Variants in ABHD18 observed in about 807,000 individuals in gnomAD.
ABHD18 encodes the protein abhydrolase domain containing 18, also known as cardiolipin-specific deacylase, mitochondrial.
A neutral mutation model predicts 65.9 loss-of-function variants in ABHD18; 55 were observed. The ratio of observed to expected loss-of-function variants is 0.84; its 90% CI spans 0.67 to 1.05. ABHD18 has a LOEUF of 1.05. Among genes scored for constraint, ABHD18 ranks in the 50% least tolerant of loss-of-function variants. The pLI, the probability that ABHD18 is intolerant of heterozygous loss-of-function variation, is 0.00. For missense variants in ABHD18, 533 were observed against 558.5 expected, an observed-to-expected ratio of 0.95 and a Z score of 0.46; for synonymous variants, 181 against 180.2, an observed-to-expected ratio of 1.00 and a Z score of -0.04.
chr4:127,971,946 T>C (rs1746905614), intron 1 of ABHD18, among the ~76,000 whole-genome samples: 1 of 152,150 alleles, frequency 6.6e-6, no homozygotes, highest in African/African-American at 2.4e-5. Context: ...GGCTCAGTTC[T>C]TCAGATGCAC....
At chr4:127,991,660 G>T (rs1470125786) in intron 4 of ABHD18, among the ~76,000 whole-genome samples, 2 of 152,070 alleles carry the variant, frequency 1.3e-5, no homozygotes, top group African/African-American at 4.8e-5. Flanking sequence ...CTACACTGTT[G>T]ATAATAAACT....
chr4:127,982,329 T>C (rs1261554751), intron 1 of ABHD18, among the ~76,000 whole-genome samples: 1 of 152,214 alleles, frequency 6.6e-6, no homozygotes, highest in African/African-American at 2.4e-5. Context: ...TTAGAAATAC[T>C]TGAGAAGATA....
In ABHD18 at chr4:128,017,463, G is replaced by C. The variant is rs761417024; in HGVS notation, c.571G>C (p.Gly191Arg). 2 of 1,613,410 alleles carry C rather than the reference G, an allele frequency of 1.2e-6. No homozygotes were observed. The highest frequency in any genetic ancestry group is 1.7e-6 in the Non-Finnish European group (2 of 1,179,638). ...LLHWLEREGY[G>R]PLGMTGISMG... Reference sequence around the variant, plus strand: ...GCACTGGCTAGAGAGGGAAGGTTACGGCCCTTTAGGAATGACTGGAATATC... The same window carrying C: ...GCACTGGCTAGAGAGGGAAGGTTACCGCCCTTTAGGAATGACTGGAATATC... The change falls in exon 8 of 13, where the codon GGC becomes CGC. Residue 191 changes from glycine to arginine, a missense_variant. Transcript: ENST00000645843.
At chr4:128,010,769 G>A (rs939136857) in intron 6 of ABHD18, among the ~76,000 whole-genome samples, 1 of 151,904 alleles carries the variant, frequency 6.6e-6, no homozygotes, top group Non-Finnish European at 1.5e-5. Flanking sequence ...ACAAAAATTA[G>A]CCAGGCGTGG....
intron 4 of ABHD18, among the ~76,000 whole-genome samples, chr4:128,006,205 C>T (rs1273269105): frequency 6.6e-6 from 1 of 152,102 alleles, no homozygotes; most frequent in Non-Finnish European, 1.5e-5. Context: ...ATAAAAAATT[C>T]CTATTAAAGC....
chr4:128,034,021 C>T (rs1370517838), intron 12 of ABHD18, among the ~76,000 whole-genome samples: 4 of 136,496 alleles, frequency 2.9e-5, no homozygotes, highest in East Asian at 2.2e-4. Context: ...TGCAGTGGCG[C>T]GATCTTGGCT....
At position 128,028,650 on chromosome 4, in the gene ABHD18, CAGA is replaced by C. The variant is rs769734358; in HGVS notation, c.980_982del (p.Glu327del). On this transcript the variant is annotated inframe_deletion, in exon 11 of 13. Transcript: ENST00000645843. ...AGCAAAACATCTGTCAGTGCGACAT[CAGA>C]AGGACTCTTATTGCAAGATACCTCT... is the stretch of plus-strand genomic sequence containing the variant. The C allele has an allele frequency of 6.2e-7, 1 of 1,613,884 alleles. No individual in the cohort carries two copies. The highest frequency in any genetic ancestry group is 8.5e-7 in the Non-Finnish European group (1 of 1,179,864).
chr4:128,039,400 C>G lies in ABHD18; in HGVS notation c.*3587C>G, dbSNP rs1161644041. The G allele has an allele frequency of 6.6e-6, 1 of 151,804 alleles. No individual in the cohort carries two copies. The highest frequency in any genetic ancestry group is 1.9e-4 in the East Asian group (1 of 5,180). 9.4% of individuals were successfully genotyped at this position (151,804 alleles called of 1,614,324 possible). On this transcript the variant is annotated 3_prime_UTR_variant, in exon 13 of 13. Transcript: ENST00000645843. ...GTGTGTGTTCCCCAGTTTGCCACAG[C>G]CTACTGGACTTCCCTCTTATATCAG...
Position 128,011,679 on chromosome 4 carries a change from G to T in ABHD18, c.449G>T (p.Cys150Phe), listed in dbSNP as rs777886651. Residue 150 changes from cysteine (C) to phenylalanine (F), a missense_variant, in exon 7 of 13, where the codon TGC (cysteine) becomes TTC (phenylalanine). This residue lies in a region of ABHD18 where 309 missense variants were observed against 313.5 expected (regional missense o/e 0.99). Transcript: ENST00000645843. ...CTTTGACCCACATTCTTAAATGGCT[G>T]CAGGAAACCCAAGGACCAAGTGTAA... ...SLLLENPYYG[C>F]RKPKDQVRSS... 8 of 1,550,776 alleles carry T rather than the reference G, an allele frequency of 5.2e-6. No individual in the cohort carries two copies. The highest frequency in any genetic ancestry group is 5.2e-6 in the Non-Finnish European group (6 of 1,146,918).
chr4:127,998,656 G>A (rs1424128171), intron 4 of ABHD18, among the ~76,000 whole-genome samples: 2 of 151,606 alleles, frequency 1.3e-5, no homozygotes, highest in African/African-American at 2.4e-5. Flanking sequence ...ATAGGTGTGC[G>A]CCATTGCATC....
chr4:128,023,404 A>G (rs1284259964), intron 10 of ABHD18, among the ~76,000 whole-genome samples: 2 of 7,376 alleles, frequency 2.7e-4, no homozygotes, highest in African/African-American at 7.8e-4. Flanking sequence ...TTGTCTCTAC[A>G]AAAAAAAAAA....
intron 3 of ABHD18, among the ~76,000 whole-genome samples, chr4:127,987,081 C>T (rs185802641): frequency 8.5e-5 from 13 of 152,126 alleles, no homozygotes; most frequent in African/African-American, 2.4e-4. Flanking sequence ...GGCTGGGTGC[C>T]GTGCCTCACA....
rs1756438453 is a variant in ABHD18 at position 128,021,190 on chromosome 4, CCAGA to C, written c.757_760del (p.Thr253PhefsTer25). ...GGGAGCTGGAAAAGCAATATTATAC[CCAGA>C]CAGTTTATGAAGAAGAAATTATTCA... On this transcript the variant is annotated frameshift_variant, in exon 10 of 13. Coordinates refer to ENST00000645843, the MANE Select transcript of ABHD18 (RefSeq NM_001358451.3). LOFTEE classifies it high-confidence loss of function. 5.8e-6 allele frequency: 9 copies of C among 1,548,132 alleles called. No individual in the cohort carries two copies. Among genetic ancestry groups the C allele is most frequent in the East Asian group, 2.4e-5 (1 of 40,888 alleles).
chr4:128,012,015 T>C (rs141426519), intron 7 of ABHD18, among the ~76,000 whole-genome samples: 1 of 151,856 alleles, frequency 6.6e-6, no homozygotes, highest in Non-Finnish European at 1.5e-5. Flanking sequence ...AGTCATTCTG[T>C]CACCCAGTCT....
chr4:127,979,415 C>T (rs1445068000), intron 1 of ABHD18, among the ~76,000 whole-genome samples: 1 of 151,982 alleles, frequency 6.6e-6, no homozygotes, highest in African/African-American at 2.4e-5. Context: ...ATTAGCCAGG[C>T]GTGGTGGCGG....
chr4:128,001,661 A>G (rs1461065693), intron 4 of ABHD18: 23 of 1,514,208 alleles, frequency 1.5e-5, no homozygotes, highest in Non-Finnish European at 1.9e-5. Context: ...TCTTGGTTCA[A>G]AATAACTTCC....
Position 128,017,481 on chromosome 4 carries a change from G to A in ABHD18, c.589G>A (p.Gly197Arg), listed in dbSNP as rs1488608831. The change falls in exon 8 of 13, where the codon GGA becomes AGA. Residue 197 changes from glycine (G) to arginine (R), a missense_variant. Gly to Arg is a moderately radical substitution (Grantham distance 125). This residue lies in a region of ABHD18 where 309 missense variants were observed against 313.5 expected (regional missense o/e 0.99). Coordinates refer to ENST00000645843, the MANE Select transcript of ABHD18 (RefSeq NM_001358451.3). Reference protein sequence around the residue: ...REGYGPLGMTGISMGGHMASL... With the variant: ...REGYGPLGMTRISMGGHMASL... ...AGGTTACGGCCCTTTAGGAATGACT[G>A]GAATATCCATGGGAGGACACGTAAG... is the stretch of plus-strand genomic sequence containing the variant. The A allele has an allele frequency of 1.2e-6, 2 of 1,612,700 alleles. No homozygotes were observed. The highest frequency in any genetic ancestry group is 1.7e-6 in the Non-Finnish European group (2 of 1,179,430).
intron 4 of ABHD18, among the ~76,000 whole-genome samples, chr4:128,004,019 T>A (rs1223672237): frequency 6.6e-6 from 1 of 152,094 alleles, no homozygotes; most frequent in Non-Finnish European, 1.5e-5. Flanking sequence ...ACTGATTTTT[T>A]AATACTTTAC....
At chr4:127,997,000 C>T (rs1419460812) in intron 4 of ABHD18, among the ~76,000 whole-genome samples, 1 of 152,106 alleles carries the variant, frequency 6.6e-6, no homozygotes, top group African/African-American at 2.4e-5. Context: ...AACAGTGGTC[C>T]TGAGGTGACA....
Sources: gnomAD v4.1 joint callset for allele counts (sites outside exome capture counted in the v4.1 genomes callset) on GRCh38, gnomAD v4.1.1 for gene constraint, gnomAD v4.1.1 regional missense constraint, MANE v1.5 for transcripts, NCBI Gene and HGNC (gene_info 2026-07-23, HGNC 2026-07-21) for gene names.